Variants in IKZF1 observed in about 807,000 individuals in gnomAD.
IKZF1 encodes the protein IKAROS family zinc finger 1.
IKZF1 carries 10 observed loss-of-function variants against 51.7 expected under a neutral mutation model. That is an observed-to-expected ratio of 0.19 (90% CI 0.12 to 0.33). The LOEUF is 0.33. Among genes scored for constraint, IKZF1 ranks in the 10% least tolerant of loss-of-function variants. The pLI, the probability that IKZF1 is intolerant of heterozygous loss-of-function variation, is 1.00. For missense variants in IKZF1, 484 were observed against 707.5 expected (o/e 0.68, Z 3.58); for synonymous variants, 280 against 282.3 (o/e 0.99, Z 0.08).
intron 2 of IKZF1, among the ~76,000 whole-genome samples, chr7:50,323,805 A>G (rs1203245587): frequency 6.6e-6 from 1 of 152,240 alleles, no homozygotes; most frequent in East Asian, 1.9e-4. Flanking sequence ...AGTTTACCAA[A>G]TAATACCATA....
At chr7:50,313,246 G>T (rs570320268) in intron 1 of IKZF1, among the ~76,000 whole-genome samples, 1 of 152,304 alleles carries the variant, frequency 6.6e-6, no homozygotes, top group East Asian at 1.9e-4. Context: ...TATTAAAGAG[G>T]TCTGTGACCT....
At chr7:50,372,861 C>T (rs1809123512) in intron 3 of IKZF1, among the ~76,000 whole-genome samples, 1 of 152,218 alleles carries the variant, frequency 6.6e-6, no homozygotes, top group Non-Finnish European at 1.5e-5. Context: ...AAAACATCCA[C>T]TCTTCATATT....
intron 2 of IKZF1, among the ~76,000 whole-genome samples, chr7:50,324,093 A>G (rs1180010004): frequency 6.6e-6 from 1 of 152,174 alleles, no homozygotes; most frequent in Non-Finnish European, 1.5e-5. Flanking sequence ...TTAGTGTTTT[A>G]TAATCCTTGC....
intron 3 of IKZF1, among the ~76,000 whole-genome samples, chr7:50,340,704 C>T (rs1798873902): frequency 6.6e-6 from 1 of 152,198 alleles, no homozygotes; most frequent in Non-Finnish European, 1.5e-5. Flanking sequence ...TAAGAATCTG[C>T]CAGTGCCCCC....
intron 1 of IKZF1, among the ~76,000 whole-genome samples, chr7:50,310,565 A>C (rs1173008638): frequency 1.3e-5 from 2 of 152,118 alleles, no homozygotes; most frequent in Admixed American, 6.5e-5. Flanking sequence ...GGACTACAAA[A>C]TGGGGTCTAA....
intron 1 of IKZF1, among the ~76,000 whole-genome samples, chr7:50,306,798 C>T (rs1343673209): frequency 1.3e-5 from 2 of 152,260 alleles, no homozygotes; most frequent in East Asian, 1.9e-4. Flanking sequence ...GGTTTGGATA[C>T]ATTTTTTGTT....
intron 3 of IKZF1, among the ~76,000 whole-genome samples, chr7:50,362,443 G>T (rs536473792): frequency 3.9e-5 from 6 of 152,244 alleles, no homozygotes; most frequent in African/African-American, 1.2e-4. Context: ...GACTTGCAAA[G>T]CACTAGCCCT....
intron 3 of IKZF1, among the ~76,000 whole-genome samples, chr7:50,354,810 A>C (rs1802831890): frequency 6.6e-6 from 1 of 152,074 alleles, no homozygotes; most frequent in Admixed American, 6.5e-5. Context: ...TGGTTAGTGC[A>C]GAAACTTAGA....
At chr7:50,329,738 C>A (rs1796015967) in intron 3 of IKZF1, among the ~76,000 whole-genome samples, 1 of 152,166 alleles carries the variant, frequency 6.6e-6, no homozygotes. Context: ...AACACAGAGG[C>A]TCAGGGACTG....
In IKZF1 at chr7:50,400,071, C is replaced by A. The variant is rs749767946; in HGVS notation, c.1004C>A (p.Pro335Gln). ...ESLRPLVQTP[P>Q]GGSEVVPVIS... ...CTGCGCCCGCTGGTGCAGACGCCCC[C>A]GGGCGGTTCCGAGGTGGTCCCGGTC... Residue 335 changes from proline to glutamine, a missense_variant, in exon 8 of 8, where the codon CCG (proline) becomes CAG (glutamine). Pro to Gln is a moderately conservative substitution (Grantham distance 76, BLOSUM62 -1). This residue lies in a region of IKZF1 where 172 missense variants were observed against 192.7 expected (regional missense o/e 0.89). Coordinates refer to ENST00000331340, the MANE Select transcript of IKZF1 (RefSeq NM_006060.6). This position sits in a 1 kb window ranked among gnomAD's most constrained non-coding sequence, Gnocchi z 5.4. The A allele has an allele frequency of 1.3e-6, 2 of 1,588,346 alleles. No homozygotes were observed. Among genetic ancestry groups the A allele is most frequent in the Non-Finnish European group, 1.7e-6 (2 of 1,169,130 alleles).
At chr7:50,317,025 A>G in intron 1 of IKZF1, among the ~76,000 whole-genome samples, 1 of 152,344 alleles carries the variant, frequency 6.6e-6, no homozygotes, top group Middle Eastern at 3.4e-3. Context: ...CATATTTGTA[A>G]TCTGTTTAGT....
chr7:50,391,662 C>T (rs190579800), intron 6 of IKZF1, 67 bp from the exon 7 acceptor site: 1 of 1,578,096 alleles, frequency 6.3e-7, no homozygotes, highest in Admixed American at 1.8e-5. Context: ...TCAGATTTAA[C>T]ATTGGACGCG....
chr7:50,311,055 T>G (rs939831489), intron 1 of IKZF1, among the ~76,000 whole-genome samples: 1 of 152,204 alleles, frequency 6.6e-6, no homozygotes, highest in East Asian at 1.9e-4. Flanking sequence ...GAAAAAAATC[T>G]CATCTTGATG....
chr7:50,360,997 A>T (rs1229057453), intron 3 of IKZF1, among the ~76,000 whole-genome samples: 2 of 152,224 alleles, frequency 1.3e-5, no homozygotes, highest in African/African-American at 4.8e-5. Flanking sequence ...ATCCAGCACA[A>T]ATCTCCCTTA....
chr7:50,338,740 A>G (rs1266656875), intron 3 of IKZF1, among the ~76,000 whole-genome samples: 3 of 152,224 alleles, frequency 2.0e-5, no homozygotes, highest in Non-Finnish European at 4.4e-5. Context: ...GGAGTGGGCC[A>G]TGCCAGGAAG....
At chr7:50,326,064 A>C (rs149410938) in intron 2 of IKZF1, among the ~76,000 whole-genome samples, 2,471 of 152,356 alleles carry the variant, frequency 0.016, 62 homozygotes, top group South Asian at 0.1. Context: ...AGTATTCCCC[A>C]GAGCATAGGC....
At chr7:50,377,812 A>C (rs1810719120) in intron 4 of IKZF1, among the ~76,000 whole-genome samples, 1 of 152,256 alleles carries the variant, frequency 6.6e-6, no homozygotes, top group Non-Finnish European at 1.5e-5. Flanking sequence ...CACCTCTAGC[A>C]GCCACTGATA....
intron 3 of IKZF1, among the ~76,000 whole-genome samples, chr7:50,334,582 G>T (rs1025172407): frequency 1.3e-5 from 2 of 151,240 alleles, no homozygotes; most frequent in Non-Finnish European, 3.0e-5. Context: ...TATGTGTGTG[G>T]TGTGTGTATA....
chr7:50,394,271 A>G (rs1410797540), intron 7 of IKZF1: 1 of 232,864 alleles, frequency 4.3e-6, no homozygotes, highest in Non-Finnish European at 8.5e-6. Flanking sequence ...CTGCCCTAAA[A>G]TACCTACCTT....
Sources: gnomAD v4.1 joint callset for allele counts (sites outside exome capture counted in the v4.1 genomes callset) on GRCh38, gnomAD v4.1.1 for gene constraint, gnomAD v4.1.1 regional missense constraint, Gnocchi (gnomAD v3.1) non-coding constraint, MANE v1.5 for transcripts, NCBI Gene and HGNC (gene_info 2026-07-23, HGNC 2026-07-21) for gene names.